The following PDE7B variants were observed in gnomAD, a reference collection of about 807,000 sequenced individuals.
PDE7B encodes phosphodiesterase 7B.
A neutral mutation model predicts 56.2 loss-of-function variants in PDE7B; 29 were observed. That is an observed-to-expected ratio of 0.52 (90% CI 0.38 to 0.70). PDE7B has a LOEUF of 0.70. Ranked by LOEUF, PDE7B falls within the 30% of genes least tolerant of loss-of-function variation. The pLI is 0.00. For synonymous variants in PDE7B, 197 were observed against 196.9 expected (o/e 1.00, Z 0.00); for missense variants, 490 against 565.0 (o/e 0.87, Z 1.35).
intron 2 of PDE7B, among the ~76,000 whole-genome samples, chr6:136,041,973 C>T (rs755329592): frequency 2.0e-5 from 3 of 152,094 alleles, no homozygotes; most frequent in Non-Finnish European, 4.4e-5. Flanking sequence ...AAATTTAAAC[C>T]AAGACATGGC....
At chr6:136,108,469 T>C (rs1777690328) in intron 2 of PDE7B, among the ~76,000 whole-genome samples, 1 of 152,142 alleles carries the variant, frequency 6.6e-6, no homozygotes, top group Non-Finnish European at 1.5e-5. Context: ...TTTTGTCTTT[T>C]TATGGAAATT....
intron 2 of PDE7B, among the ~76,000 whole-genome samples, chr6:136,052,182 A>C (rs1776641455): frequency 6.6e-6 from 1 of 152,210 alleles, no homozygotes; most frequent in South Asian, 2.1e-4. Flanking sequence ...TCAGGATGAG[A>C]GATAAAGCCA....
chr6:135,902,479 A>G (rs893000542), intron 1 of PDE7B, among the ~76,000 whole-genome samples: 1 of 152,000 alleles, frequency 6.6e-6, no homozygotes, highest in Non-Finnish European at 1.5e-5. Context: ...CATCAAATAA[A>G]AGAGTCCATA....
chr6:135,857,671 C>T (rs1424705961), intron 1 of PDE7B, among the ~76,000 whole-genome samples: 4 of 151,924 alleles, frequency 2.6e-5, no homozygotes, highest in Non-Finnish European at 4.4e-5. Flanking sequence ...TTGTTTGTAA[C>T]CTAAACAATA....
intron 12 of PDE7B, among the ~76,000 whole-genome samples, chr6:136,188,543 T>G (rs1312233321): frequency 1.3e-5 from 2 of 152,156 alleles, no homozygotes; most frequent in Non-Finnish European, 2.9e-5. Flanking sequence ...ATCCTGAGGC[T>G]CCCTGTGTTA....
intron 1 of PDE7B, among the ~76,000 whole-genome samples, chr6:135,898,515 G>A (rs1336209477): frequency 2.0e-5 from 3 of 152,040 alleles, no homozygotes; most frequent in Non-Finnish European, 4.4e-5. Context: ...AGAATATTTA[G>A]AAATTACTCA....
At chr6:136,145,723 C>T (rs777133579) in intron 3 of PDE7B, among the ~76,000 whole-genome samples, 12 of 152,170 alleles carry the variant, frequency 7.9e-5, no homozygotes, top group Non-Finnish European at 1.3e-4. Context: ...TGGCTTTCCT[C>T]TGTCCTTATG....
At chr6:135,913,873 G>A (rs1776252264) in intron 1 of PDE7B, among the ~76,000 whole-genome samples, 1 of 152,184 alleles carries the variant, frequency 6.6e-6, no homozygotes, top group Non-Finnish European at 1.5e-5. Flanking sequence ...AGAATGATGA[G>A]CTTGTCATTT....
intron 1 of PDE7B, among the ~76,000 whole-genome samples, chr6:135,934,072 C>A: frequency 6.6e-6 from 1 of 152,032 alleles, no homozygotes; most frequent in East Asian, 1.9e-4. Context: ...CAATAGATAC[C>A]CATACTAGAG....
chr6:136,023,090 C>T (rs1741052878), intron 2 of PDE7B, among the ~76,000 whole-genome samples: 1 of 152,208 alleles, frequency 6.6e-6, no homozygotes, highest in South Asian at 2.1e-4. Flanking sequence ...TGCAGTTCCA[C>T]ACTGGCTGAG....
intron 1 of PDE7B, among the ~76,000 whole-genome samples, chr6:135,920,850 G>A (rs1774062056): frequency 6.6e-6 from 1 of 152,176 alleles, no homozygotes; most frequent in Admixed American, 6.5e-5. Context: ...AAATGTCTTG[G>A]AATTGTCCCT....
At position 135,928,498 on chromosome 6, in the gene PDE7B, TA is replaced by T. The variant is rs1368543594; in HGVS notation, c.22-18965del. 1.3e-3 allele frequency among the ~76,000 whole-genome samples: 133 copies of T among 104,106 alleles called. 9 individuals carry two copies. The highest frequency in any genetic ancestry group is 0.012 in the South Asian group (40 of 3,416). 68.3% of individuals were successfully genotyped at this position (104,106 alleles called of 152,430 possible). A position where few individuals can be genotyped will look rare whatever the true frequency, so the allele number is the denominator to read the frequency against. On this transcript the variant is annotated intron_variant, in intron 1 of 12. Coordinates refer to ENST00000308191, the MANE Select transcript of PDE7B (RefSeq NM_018945.4). ...ATATATATATTTATTTATATATATA[TA>T]TTTATATATATATATTTATTTATAT...
At chr6:136,003,077 T>G (rs372277576) in intron 2 of PDE7B, among the ~76,000 whole-genome samples, 58 of 152,130 alleles carry the variant, frequency 3.8e-4, no homozygotes, top group African/African-American at 1.3e-3. Context: ...ACATGGAAAC[T>G]GAACAACCTG....
intron 1 of PDE7B, among the ~76,000 whole-genome samples, chr6:135,866,798 A>T (rs1461041452): frequency 1.3e-5 from 2 of 152,228 alleles, no homozygotes; most frequent in African/African-American, 2.4e-5. Flanking sequence ...CACATAAAAG[A>T]TTATTTCCAG....
chr6:135,942,570 A>G (rs183888774), intron 1 of PDE7B, among the ~76,000 whole-genome samples: 1 of 152,288 alleles, frequency 6.6e-6, no homozygotes, highest in Non-Finnish European at 1.5e-5. Context: ...GCCGTGTTGT[A>G]CAATAGATTT....
chr6:136,016,965 G>A (rs1322768968), intron 2 of PDE7B, among the ~76,000 whole-genome samples: 1 of 152,196 alleles, frequency 6.6e-6, no homozygotes, highest in Non-Finnish European at 1.5e-5. Context: ...TGAATTGAAG[G>A]TAGGGACAGT....
intron 2 of PDE7B, among the ~76,000 whole-genome samples, chr6:136,020,615 G>C (rs1001696563): frequency 2.0e-5 from 3 of 151,606 alleles, no homozygotes; most frequent in African/African-American, 7.3e-5. Context: ...TTATTGCACT[G>C]GCCAAGATCA....
intron 1 of PDE7B, among the ~76,000 whole-genome samples, chr6:135,934,952 ATATATAATATATATATT>A (rs1774381380): frequency 4.1e-5 from 2 of 48,854 alleles, no homozygotes; most frequent in Non-Finnish European, 8.0e-5. Flanking sequence ...ATATATATTT[ATATATAATATATATATT>A]TCTCTATATA....
chr6:135,920,745 G>A (rs1267526465), intron 1 of PDE7B, among the ~76,000 whole-genome samples: 4 of 152,074 alleles, frequency 2.6e-5, no homozygotes, highest in African/African-American at 7.2e-5. Context: ...TCCTTTCCAC[G>A]TCTTTTAAGA....
Sources: allele counts gnomAD v4.1 joint callset (sites outside exome capture counted in the v4.1 genomes callset), GRCh38; gene constraint gnomAD v4.1.1; transcripts MANE v1.5; gene names NCBI Gene and HGNC (gene_info 2026-07-23, HGNC 2026-07-21).